Variants in RAPH1 observed in about 807,000 individuals in gnomAD.
RAPH1 encodes Ras association (RalGDS/AF-6) and pleckstrin homology domains 1, also known as ras-associated and pleckstrin homology domains-containing protein 1.
RAPH1 carries 18 observed loss-of-function variants against 88.1 expected under a neutral mutation model. The observed-to-expected ratio is 0.20, with a 90% CI of 0.14 to 0.30. RAPH1 has a LOEUF of 0.30. RAPH1 is among the 10% of genes least tolerant of loss of function. The pLI is 1.00. For missense variants in RAPH1, 1,448 were observed against 1,543.2 expected (o/e 0.94, Z 1.03); for synonymous variants, 587 against 559.0 (o/e 1.05, Z -0.71).
intron 1 of RAPH1, among the ~76,000 whole-genome samples, chr2:203,525,930 A>G (rs1441798880): frequency 6.6e-6 from 1 of 152,212 alleles, no homozygotes; most frequent in Non-Finnish European, 1.5e-5. Flanking sequence ...GGCAAAGAAA[A>G]CAGAGAGAAG....
intron 1 of RAPH1, among the ~76,000 whole-genome samples, chr2:203,503,081 T>G (rs182739318): frequency 1.3e-5 from 2 of 151,940 alleles, no homozygotes; most frequent in African/African-American, 2.4e-5. Context: ...GAGGTAGAGG[T>G]TGCAGTGAGC....
intron 1 of RAPH1, among the ~76,000 whole-genome samples, chr2:203,533,073 C>T (rs1021360259): frequency 3.9e-5 from 6 of 152,082 alleles, no homozygotes; most frequent in Non-Finnish European, 8.8e-5. Context: ...CATAATCATC[C>T]TCAAAGACAA....
intron 1 of RAPH1, among the ~76,000 whole-genome samples, chr2:203,523,562 A>G (rs1559505125): frequency 6.6e-6 from 1 of 152,136 alleles, no homozygotes; most frequent in East Asian, 1.9e-4. Flanking sequence ...TAAAATTATA[A>G]ACTCCAAGGA....
intron 10 of RAPH1, among the ~76,000 whole-genome samples, chr2:203,452,096 T>C (rs1450694696): frequency 6.6e-6 from 1 of 152,172 alleles, no homozygotes; most frequent in Non-Finnish European, 1.5e-5. Flanking sequence ...CAAGGAAAGA[T>C]GGAAAGAATT....
At chr2:203,445,158 C>T in intron 12 of RAPH1, 148 bp from the exon 13 acceptor site, 1 of 560,542 alleles carries the variant, frequency 1.8e-6, no homozygotes. Context: ...ATAAACACAG[C>T]CAGTATTTTC....
chr2:203,525,224 C>A (rs938773093), intron 1 of RAPH1, among the ~76,000 whole-genome samples: 1 of 152,122 alleles, frequency 6.6e-6, no homozygotes, highest in African/African-American at 2.4e-5. Flanking sequence ...CTCGCTCTGT[C>A]GCCCAGGCTG....
chr2:203,445,310 C>T (rs762041213), intron 12 of RAPH1: 5 of 275,790 alleles, frequency 1.8e-5, no homozygotes, highest in Admixed American at 4.9e-5. Flanking sequence ...GAAATCAACT[C>T]TAAACAATAA....
At chr2:203,484,217 T>TA (rs779746749) in intron 4 of RAPH1, among the ~76,000 whole-genome samples, 3 of 152,184 alleles carry the variant, frequency 2.0e-5, no homozygotes, top group African/African-American at 4.8e-5. Flanking sequence ...CTAAGAAGAT[T>TA]TGATGCTGGT....
chr2:203,504,890 G>A (rs1688911376), intron 1 of RAPH1, among the ~76,000 whole-genome samples: 2 of 152,296 alleles, frequency 1.3e-5, no homozygotes, highest in East Asian at 1.9e-4. Flanking sequence ...AATGCCGCCA[G>A]TGTCTTTGCT....
At chr2:203,477,555 G>A (rs1020340448) in intron 4 of RAPH1, among the ~76,000 whole-genome samples, 1 of 152,020 alleles carries the variant, frequency 6.6e-6, no homozygotes, top group African/African-American at 2.4e-5. Context: ...CAAGCTTCTA[G>A]CTTCCCTCTT....
chr2:203,495,346 T>C lies in RAPH1; in HGVS notation c.8A>G (p.Gln3Arg). The change falls in exon 2 of 14, where the codon CAG becomes CGG. Residue 3 changes from glutamine to arginine, a missense_variant. By Grantham distance (43) the Gln-to-Arg change is conservative (BLOSUM62 1). Transcript: ENST00000319170. ...ATGATCAATTTCTTCATCTGATAGC[T>C]GCTCCATCTGAAATACAGACATTTG... ME[Q>R]LSDEEIDHGA... is the part of the protein sequence containing the mutation. The C allele has an allele frequency of 6.2e-7, 1 of 1,614,026 alleles. No homozygotes were observed. Among genetic ancestry groups the C allele is most frequent in the Non-Finnish European group, 8.5e-7 (1 of 1,179,982 alleles).
intron 12 of RAPH1, 124 bp from the exon 13 acceptor site, chr2:203,445,134 T>C (rs1369820633): frequency 5.4e-6 from 4 of 736,486 alleles, no homozygotes; most frequent in Non-Finnish European, 8.3e-6. Context: ...CCAAGTTATT[T>C]TACTCATTTC....
At chr2:203,489,528 T>C (rs1688145507) in intron 4 of RAPH1, 56 bp downstream of exon 4, 3 of 1,244,842 alleles carry the variant, frequency 2.4e-6, no homozygotes, top group Non-Finnish European at 2.1e-6. Context: ...TATTTTAATA[T>C]AATTTCTCCT....
chr2:203,516,389 G>A (rs1159271855), intron 1 of RAPH1, among the ~76,000 whole-genome samples: 1 of 152,162 alleles, frequency 6.6e-6, no homozygotes, highest in African/African-American at 2.4e-5. Flanking sequence ...AATAAATATG[G>A]CAGATATTAA....
At chr2:203,472,438 C>T (rs528293108) in intron 4 of RAPH1, among the ~76,000 whole-genome samples, 9 of 152,284 alleles carry the variant, frequency 5.9e-5, no homozygotes, top group African/African-American at 1.9e-4. Flanking sequence ...AGCCACGTTT[C>T]TTTACTTCTC....
At chr2:203,494,160 C>T (rs1042099503) in intron 2 of RAPH1, among the ~76,000 whole-genome samples, 7 of 152,212 alleles carry the variant, frequency 4.6e-5, no homozygotes, top group Middle Eastern at 6.8e-3. Context: ...TAAGCTTCCA[C>T]CTTGCCCACT....
At chr2:203,496,612 GTTT>G (rs535126868) in intron 1 of RAPH1, among the ~76,000 whole-genome samples, 1 of 151,818 alleles carries the variant, frequency 6.6e-6, no homozygotes, top group African/African-American at 2.4e-5. Flanking sequence ...CAAATTAAAT[GTTT>G]TTTTTCTTCA....
chr2:203,483,559 T>C (rs1687822855), intron 4 of RAPH1, among the ~76,000 whole-genome samples: 1 of 152,182 alleles, frequency 6.6e-6, no homozygotes, highest in Non-Finnish European at 1.5e-5. Flanking sequence ...ATTTGAGCAA[T>C]CTATTTATGA....
intron 1 of RAPH1, among the ~76,000 whole-genome samples, chr2:203,512,069 C>T (rs1689364084): frequency 6.6e-6 from 1 of 151,936 alleles, no homozygotes; most frequent in African/African-American, 2.4e-5. Context: ...GCCGAGATCG[C>T]ACCAATGCAC....
Sources: allele counts gnomAD v4.1 joint callset (sites outside exome capture counted in the v4.1 genomes callset), GRCh38; gene constraint gnomAD v4.1.1; transcripts MANE v1.5; gene names NCBI Gene and HGNC (gene_info 2026-07-23, HGNC 2026-07-21).